The following PEX14 variants were observed in gnomAD, a reference collection of about 807,000 sequenced individuals.
The protein encoded by PEX14 is peroxisomal membrane protein PEX14.
PEX14 carries 15 observed loss-of-function variants against 49.5 expected under a neutral mutation model. That is an observed-to-expected ratio of 0.30 (90% CI 0.20 to 0.47). PEX14 has a LOEUF of 0.47. PEX14 is among the 20% of genes least tolerant of loss of function. The pLI is 1.00. For missense variants in PEX14, 398 were observed against 494.8 expected, an observed-to-expected ratio of 0.80 and a Z score of 1.86; for synonymous variants, 210 against 212.7, an observed-to-expected ratio of 0.99 and a Z score of 0.11.
chr1:10,591,055 T>C (rs1640648728), intron 3 of PEX14, among the ~76,000 whole-genome samples: 1 of 152,114 alleles, frequency 6.6e-6, no homozygotes, highest in African/African-American at 2.4e-5. Flanking sequence ...TATAGTGGAG[T>C]TGTTTCCCAA....
intron 3 of PEX14, among the ~76,000 whole-genome samples, chr1:10,586,201 T>C (rs1640481264): frequency 1.3e-5 from 2 of 152,206 alleles, no homozygotes; most frequent in African/African-American, 4.8e-5. Context: ...TCAATGAAGA[T>C]GATAAACAAA....
At chr1:10,477,295 C>G (rs1641212722) in intron 1 of PEX14, among the ~76,000 whole-genome samples, 1 of 152,098 alleles carries the variant, frequency 6.6e-6, no homozygotes, top group Non-Finnish European at 1.5e-5. Flanking sequence ...TGGTCTTGAT[C>G]TCCTGACCTC....
intron 4 of PEX14, among the ~76,000 whole-genome samples, chr1:10,604,371 C>A (rs1037682399): frequency 3.4e-4 from 52 of 152,182 alleles, no homozygotes; most frequent in African/African-American, 1.1e-3. Context: ...AATCCCAACT[C>A]TTTGAGAGGC....
At chr1:10,535,888 C>G (rs958057906) in intron 2 of PEX14, 3 of 378,618 alleles carry the variant, frequency 7.9e-6, no homozygotes, top group African/African-American at 2.1e-5. Context: ...AGGGCGGCGA[C>G]ATGGGTGCGC....
rs187635700 is a variant in PEX14, at chr1:10,610,943, A to G, written c.299-7389A>G. Among the ~76,000 whole-genome samples, 570 of 151,522 alleles carry G rather than the reference A, an allele frequency of 3.8e-3. 4 individuals are homozygous for G. The highest frequency in any genetic ancestry group is 3.3e-3 in the African/African-American group (136 of 41,252). ...TTCTTCTCCCTTTCCCATGACCACAATTCTTTAAAAATTTAATAACCAGGC... is the reference window on the plus strand; with the variant it reads ...TTCTTCTCCCTTTCCCATGACCACAGTTCTTTAAAAATTTAATAACCAGGC... On this transcript the variant is annotated intron_variant, in intron 4 of 8. Coordinates refer to ENST00000356607, the MANE Select transcript of PEX14 (RefSeq NM_004565.3).
At chr1:10,536,138 ACTC>A (rs1272082291) in intron 2 of PEX14, 72 bp from the exon 3 acceptor site, 1 of 941,024 alleles carries the variant, frequency 1.1e-6, no homozygotes, top group African/African-American at 1.6e-5. Context: ...GCTGGGAAAA[ACTC>A]CTAGGATTTT....
At chr1:10,624,278 C>A in intron 6 of PEX14, 62 bp from the exon 7 acceptor site, 3 of 1,066,498 alleles carry the variant, frequency 2.8e-6, no homozygotes, top group South Asian at 1.2e-5. Context: ...GTGTGCGGAC[C>A]GAGCGAGGGG....
At chr1:10,517,184 G>A (rs1037213672) in intron 2 of PEX14, 7 of 149,620 alleles carry the variant, frequency 4.7e-5, no homozygotes, top group African/African-American at 1.5e-4. Context: ...GATTTTGCTG[G>A]TCACACCCAG....
chr1:10,576,943 G>T lies in PEX14; in HGVS notation c.170-22295G>T, dbSNP rs534378981. 2.6e-5 allele frequency among the ~76,000 whole-genome samples: 4 copies of T among 151,836 alleles called. No homozygotes were observed. In the South Asian group the frequency reaches 6.3e-4, roughly 24 times the overall value. ...AATTTTTGTATTTTTAGTAGAGGGG[G>T]TTTCACCAGGCTGGTCTTTAACCCC... On this transcript the variant is annotated intron_variant, in intron 3 of 8. Transcript: ENST00000356607.
chr1:10,602,374 C>T (rs1370611909), intron 4 of PEX14, among the ~76,000 whole-genome samples: 1 of 151,544 alleles, frequency 6.6e-6, no homozygotes, highest in African/African-American at 2.4e-5. Context: ...CCGGGGGTGA[C>T]TCTACCTCTT....
intron 3 of PEX14, among the ~76,000 whole-genome samples, chr1:10,548,947 T>C (rs1639255543): frequency 6.6e-6 from 1 of 152,220 alleles, no homozygotes; most frequent in Non-Finnish European, 1.5e-5. Context: ...TCTAATCTCT[T>C]ACTGTTAATT....
intron 2 of PEX14, among the ~76,000 whole-genome samples, chr1:10,509,139 GGGGTTTCACCAT>G (rs1421877439): frequency 1.1e-4 from 17 of 152,014 alleles, no homozygotes; most frequent in Admixed American, 9.2e-4. Flanking sequence ...TAGTAGAGAT[GGGGTTTCACCAT>G]GTCAGCCAGG....
chr1:10,571,700 T>A (rs546956410), intron 3 of PEX14, among the ~76,000 whole-genome samples: 1 of 151,906 alleles, frequency 6.6e-6, no homozygotes, highest in South Asian at 2.1e-4. Context: ...TCCCAGCTAC[T>A]CGAGAGGCTG....
At chr1:10,625,719 T>G (rs58034273) in intron 7 of PEX14, among the ~76,000 whole-genome samples, 150 of 152,342 alleles carry the variant, frequency 9.8e-4, no homozygotes, top group African/African-American at 3.5e-3. Flanking sequence ...ATCTTTTGGA[T>G]CCATGCTCTG....
At chr1:10,500,373 C>CAAAAAAAAAAAAAAAAAA (rs750781683) in intron 2 of PEX14, among the ~76,000 whole-genome samples, 5 of 43,682 alleles carry the variant, frequency 1.1e-4, no homozygotes, top group Non-Finnish European at 1.6e-4. Flanking sequence ...GATTCTGTCT[C>CAAAAAAAAAAAAAAAAAA]AAAAAAAAAA....
At chr1:10,536,913 A>G (rs1638823361) in intron 3 of PEX14, among the ~76,000 whole-genome samples, 1 of 152,238 alleles carries the variant, frequency 6.6e-6, no homozygotes, top group Non-Finnish European at 1.5e-5. Flanking sequence ...TGAAAACTAC[A>G]AAGAAACCTG....
Position 10,514,164 on chromosome 1 carries a change from G to C in PEX14, c.84+18843G>C, listed in dbSNP as rs866232265. ...TAAAATAATCTATGCCTCTGTGTGT[G>C]TGTGTGTGTGTGTGTGTGTGTGTGT... On this transcript the variant is annotated intron_variant, in intron 2 of 8. Transcript: ENST00000356607. The surrounding 1 kb of genome is among the most constrained non-coding windows in gnomAD (Gnocchi z 4.4). Among the ~76,000 whole-genome samples, 10,607 of 145,638 alleles carry C rather than the reference G, an allele frequency of 0.073. 873 individuals carry two copies. Among genetic ancestry groups the C allele is most frequent in the African/African-American group, 0.22 (8,202 of 36,854 alleles).
At chr1:10,502,696 G>A (rs779060835) in intron 2 of PEX14, among the ~76,000 whole-genome samples, 84 of 152,100 alleles carry the variant, frequency 5.5e-4, no homozygotes, top group Non-Finnish European at 1.1e-3. Context: ...GGATAAATGG[G>A]CAGTGTCCTT....
At chr1:10,604,757 C>T (rs1448406606) in intron 4 of PEX14, among the ~76,000 whole-genome samples, 1 of 152,166 alleles carries the variant, frequency 6.6e-6, no homozygotes, top group African/African-American at 2.4e-5. Flanking sequence ...CTTTGAAATG[C>T]ATCATCTAAT....
Sources: gnomAD v4.1 joint callset for allele counts (sites outside exome capture counted in the v4.1 genomes callset) on GRCh38, gnomAD v4.1.1 for gene constraint, Gnocchi (gnomAD v3.1) non-coding constraint, MANE v1.5 for transcripts, NCBI Gene and HGNC (gene_info 2026-07-23, HGNC 2026-07-21) for gene names.